Variants in KDM7A observed in about 807,000 individuals in gnomAD.
KDM7A encodes lysine demethylase 7A.
Under a neutral mutation model 114.8 loss-of-function variants are expected in KDM7A, and 28 were observed. That is an observed-to-expected ratio of 0.24 (90% confidence interval 0.18 to 0.33). KDM7A has a LOEUF of 0.33. KDM7A is among the 10% of genes least tolerant of loss of function. The probability of loss-of-function intolerance (pLI) is 1.00; values close to 1 mark genes in which losing one functional copy is unlikely to be tolerated. For missense variants in KDM7A, 942 were observed against 1,142.5 expected (o/e 0.82, Z 2.53); for synonymous variants, 423 against 397.8 (o/e 1.06, Z -0.75).
Position 140,176,752 on chromosome 7 carries a change from G to T in KDM7A, c.186C>A (p.Phe62Leu). ...MIECDICKDW[F>L]HGSCVGVEEH... is the part of the protein sequence containing the mutation. ...GGAGGGGGTTTATTTACCTGCCGTG[G>T]AACCAGTCCTTGCAGATATCGCACT... The change falls in exon 1 of 20, where the codon TTC (phenylalanine) becomes TTA (leucine). Residue 62 changes from phenylalanine (F) to leucine (L), a missense_variant. This residue lies in a region of KDM7A where 112 missense variants were observed against 96.2 expected (regional missense o/e 1.16). Coordinates refer to ENST00000397560, the MANE Select transcript of KDM7A (RefSeq NM_030647.2). The surrounding 1 kb of genome is among the most constrained non-coding windows in gnomAD (Gnocchi z 4.4). 1 of 1,370,310 alleles carries T rather than the reference G, an allele frequency of 7.3e-7. No individual in the cohort carries two copies. The highest frequency in any genetic ancestry group is 1.4e-5 in the South Asian group (1 of 72,680). 84.9% of individuals were successfully genotyped at this position (1,370,310 alleles called of 1,614,324 possible).
intron 1 of KDM7A, among the ~76,000 whole-genome samples, chr7:140,166,382 C>T (rs958194063): frequency 2.7e-5 from 4 of 147,906 alleles, no homozygotes; most frequent in Non-Finnish European, 5.9e-5. Context: ...CTGTGTCACC[C>T]AGGCTGGAGT....
chr7:140,143,912 G>A (rs1794312247), intron 1 of KDM7A, among the ~76,000 whole-genome samples: 1 of 152,158 alleles, frequency 6.6e-6, no homozygotes, highest in Non-Finnish European at 1.5e-5. Context: ...AGGTGAATAT[G>A]CTAATTGTTT....
intron 1 of KDM7A, among the ~76,000 whole-genome samples, chr7:140,142,300 A>T (rs1794292433): frequency 6.6e-6 from 1 of 151,560 alleles, no homozygotes. Context: ...ATATTAAAAT[A>T]AACTCCTATT....
rs1469572318 is a variant in KDM7A, at chr7:140,133,611, T to C, written c.326A>G (p.Asp109Gly). The C allele has an allele frequency of 1.9e-6, 3 of 1,612,958 alleles. No individual in the cohort carries two copies. Among genetic ancestry groups the C allele is most frequent in the Non-Finnish European group, 2.5e-6 (3 of 1,179,070 alleles). ...NWHRHDYTEI[D>G]DGSKPVQAGT... ...AGCTTGCACTGGTTTGGAACCATCA[T>C]CAATTTCTGTGTAGTCATGTCTGTG... The change falls in exon 3 of 20, where the codon GAT becomes GGT. Residue 109 changes from aspartate to glycine, a missense_variant. Transcript: ENST00000397560.
rs1274218235 is a variant in KDM7A, at chr7:140,101,976, C to T, written c.1613G>A (p.Arg538Lys). 2 of 1,613,098 alleles carry T rather than the reference C, an allele frequency of 1.2e-6. No homozygotes were observed. Among genetic ancestry groups the T allele is most frequent in the East Asian group, 2.2e-5 (1 of 44,868 alleles). ...LELHTREVLK[R>K]LEMCPWEEDI... ...CTCTTCCCATGGACACATCTCTAAT[C>T]TTTTGAGGACCTCCCTTGTGTGGAG... The change falls in exon 12 of 20, where the codon AGA becomes AAA. Residue 538 changes from arginine to lysine, a missense_variant. Physicochemically the swap from Arg to Lys is conservative, Grantham distance 26 (BLOSUM62 2). Around this residue, in one of 4 missense-constraint regions of KDM7A, gnomAD observed 512 missense variants for 576.6 expected, o/e 0.89. Coordinates refer to ENST00000397560, the MANE Select transcript of KDM7A (RefSeq NM_030647.2).
At position 140,155,340 on chromosome 7, in the gene KDM7A, G is replaced by T. The variant is rs145160357; in HGVS notation, c.195-16150C>A. Reference sequence around the variant, plus strand: ...TAGATAAGATTACCTGGAAGCCAGGGCTACCTTTACCCACCAGGCATAGCT... The same window carrying T: ...TAGATAAGATTACCTGGAAGCCAGGTCTACCTTTACCCACCAGGCATAGCT... On this transcript the variant is annotated intron_variant, in intron 1 of 19. Transcript: ENST00000397560. Among the ~76,000 whole-genome samples, 655 of 152,310 alleles carry T rather than the reference G, an allele frequency of 4.3e-3. 8 individuals carry two copies. Among genetic ancestry groups the T allele is most frequent in the African/African-American group, 0.014 (596 of 41,560 alleles).
In KDM7A at chr7:140,090,698, CAAAT is replaced by C. The variant is rs1341459403; in HGVS notation, c.*392_*395del. On this transcript the variant is annotated 3_prime_UTR_variant, in exon 20 of 20. Coordinates refer to ENST00000397560, the MANE Select transcript of KDM7A (RefSeq NM_030647.2). ...GTGAGATATTTCTCCAGAAATCTTC[CAAAT>C]AAATAGCTTTAAAAAAAGAATTTAA... The C allele has an allele frequency of 1.8e-5, 3 of 163,866 alleles. No homozygotes were observed. Among genetic ancestry groups the C allele is most frequent in the Non-Finnish European group, 2.6e-5 (2 of 76,152 alleles). The allele number at this position is 163,866 out of a possible 1,614,324, so 10.2% of individuals were successfully genotyped here.
At chr7:140,172,638 G>A (rs922923670) in intron 1 of KDM7A, among the ~76,000 whole-genome samples, 19 of 151,930 alleles carry the variant, frequency 1.3e-4, no homozygotes, top group Non-Finnish European at 2.5e-4. Context: ...GGGCGACAGA[G>A]CGAAACTCCG....
chr7:140,142,474 TA>T (rs1218976767), intron 1 of KDM7A, among the ~76,000 whole-genome samples: 2 of 149,212 alleles, frequency 1.3e-5, no homozygotes, highest in African/African-American at 4.9e-5. Context: ...AGGCACATCA[TA>T]AAAGGAACTC....
chr7:140,124,591 G>T (rs764364261), intron 7 of KDM7A, 30 bp downstream of exon 7: 12 of 1,561,726 alleles, frequency 7.7e-6, no homozygotes, highest in Non-Finnish European at 1.7e-6. Context: ...TATCAATCAT[G>T]TTGAGTAGGG....
intron 1 of KDM7A, among the ~76,000 whole-genome samples, chr7:140,158,197 G>A (rs1431508310): frequency 6.6e-6 from 1 of 151,998 alleles, no homozygotes; most frequent in Non-Finnish European, 1.5e-5. Flanking sequence ...TCCTTAAGAG[G>A]ACAAATGTTC....
intron 3 of KDM7A, among the ~76,000 whole-genome samples, chr7:140,132,073 A>G (rs1818795915): frequency 6.6e-6 from 1 of 152,236 alleles, no homozygotes; most frequent in South Asian, 2.1e-4. Flanking sequence ...TTTTATGTAG[A>G]AAAGGGTCTC....
intron 12 of KDM7A, among the ~76,000 whole-genome samples, chr7:140,100,669 T>TATATATATACACAC (rs1818188154): frequency 2.3e-5 from 1 of 44,436 alleles, no homozygotes; most frequent in Non-Finnish European, 4.6e-5. Flanking sequence ...GTTATATATA[T>TATATATATACACAC]ATATATATAT....
intron 1 of KDM7A, among the ~76,000 whole-genome samples, chr7:140,162,291 C>T (rs759088849): frequency 1.3e-4 from 19 of 150,972 alleles, no homozygotes; most frequent in Admixed American, 7.3e-4. Flanking sequence ...GCCAAGATTG[C>T]GCCATTGCAC....
chr7:140,112,503 C>T (rs925797212), intron 10 of KDM7A, among the ~76,000 whole-genome samples: 1 of 151,568 alleles, frequency 6.6e-6, no homozygotes, highest in Non-Finnish European at 1.5e-5. Context: ...CCCAACTACT[C>T]GGGAGGCTGA....
intron 1 of KDM7A, among the ~76,000 whole-genome samples, chr7:140,153,565 A>G (rs532414891): frequency 6.6e-6 from 1 of 152,370 alleles, no homozygotes; most frequent in African/African-American, 2.4e-5. Context: ...GGAAATCACA[A>G]TTGTTCTGGT....
intron 18 of KDM7A, among the ~76,000 whole-genome samples, chr7:140,092,837 A>G (rs1223962055): frequency 6.6e-6 from 1 of 152,244 alleles, no homozygotes; most frequent in Non-Finnish European, 1.5e-5. Flanking sequence ...TTACATAATG[A>G]ATCCTATAGT....
At chr7:140,124,493 C>A in intron 7 of KDM7A, 128 bp downstream of exon 7, 2 of 609,782 alleles carry the variant, frequency 3.3e-6, no homozygotes, top group South Asian at 6.3e-5. Flanking sequence ...AGTCCAAGAT[C>A]AGAATTATTT....
chr7:140,095,971 A>G (rs1239770630), intron 17 of KDM7A, among the ~76,000 whole-genome samples: 3 of 151,912 alleles, frequency 2.0e-5, no homozygotes, highest in African/African-American at 7.2e-5. Flanking sequence ...AGGATCAAAC[A>G]TATTTATTAT....
Sources: allele counts gnomAD v4.1 joint callset (sites outside exome capture counted in the v4.1 genomes callset), GRCh38; gene constraint gnomAD v4.1.1; regional missense constraint gnomAD v4.1.1; non-coding constraint Gnocchi (gnomAD v3.1); transcripts MANE v1.5; gene names NCBI Gene and HGNC (gene_info 2026-07-23, HGNC 2026-07-21).